Variants in DCLK1 observed in about 807,000 individuals in gnomAD.
The protein encoded by DCLK1 is doublecortin like kinase 1, also known as serine/threonine-protein kinase DCLK1.
Under a neutral mutation model 86.2 loss-of-function variants are expected in DCLK1, and 16 were observed. The observed-to-expected ratio is 0.19, with a 90% confidence interval of 0.13 to 0.28. DCLK1 has a LOEUF of 0.28. Among genes scored for constraint, DCLK1 ranks in the 10% least tolerant of loss-of-function variants. DCLK1 has a pLI of 1.00. For missense variants in DCLK1, 590 were observed against 940.2 expected, an observed-to-expected ratio of 0.63 and a Z score of 4.87; for synonymous variants, 369 against 370.5, an observed-to-expected ratio of 1.00 and a Z score of 0.05.
At chr13:36,105,585 G>A (rs1451404236) in intron 3 of DCLK1, among the ~76,000 whole-genome samples, 1 of 152,110 alleles carries the variant, frequency 6.6e-6, no homozygotes, top group African/African-American at 2.4e-5. Flanking sequence ...ATAATTCTAT[G>A]GAACTAATGT....
At chr13:36,002,967 C>G (rs1880785763) in intron 3 of DCLK1, among the ~76,000 whole-genome samples, 1 of 152,150 alleles carries the variant, frequency 6.6e-6, no homozygotes, top group Non-Finnish European at 1.5e-5. Context: ...GTGCTCTTTC[C>G]CACTCTCCTC....
intron 6 of DCLK1, chr13:35,848,349 T>C: frequency 1.0e-6 from 1 of 985,124 alleles, no homozygotes; most frequent in South Asian, 4.7e-5. Flanking sequence ...TTTAATAGAA[T>C]TATGTTTTGC....
intron 13 of DCLK1, among the ~76,000 whole-genome samples, chr13:35,808,727 G>T (rs539141525): frequency 6.6e-6 from 1 of 151,952 alleles, no homozygotes; most frequent in East Asian, 1.9e-4. Flanking sequence ...AGGTTGCAGT[G>T]AGCTGAGACT....
chr13:36,084,416 T>G (rs1217989474), intron 3 of DCLK1, among the ~76,000 whole-genome samples: 2 of 152,190 alleles, frequency 1.3e-5, no homozygotes, highest in African/African-American at 2.4e-5. Flanking sequence ...TAAAAAACAC[T>G]TATGTATAAT....
chr13:35,879,397 G>C (rs1192457159), intron 4 of DCLK1, among the ~76,000 whole-genome samples: 5 of 152,104 alleles, frequency 3.3e-5, no homozygotes, highest in Non-Finnish European at 5.9e-5. Context: ...TATGGCACTG[G>C]GATTTTCTGT....
intron 2 of DCLK1, among the ~76,000 whole-genome samples, chr13:36,120,691 T>C (rs1885955790): frequency 6.6e-6 from 1 of 151,918 alleles, no homozygotes; most frequent in Non-Finnish European, 1.5e-5. Context: ...CCTAACCTGA[T>C]AGGAAAATGA....
chr13:35,800,975 C>T (rs1045474525), intron 15 of DCLK1, among the ~76,000 whole-genome samples: 3 of 151,828 alleles, frequency 2.0e-5, no homozygotes, highest in South Asian at 2.1e-4. Context: ...CCACCTGCCA[C>T]GGCCTCCCAG....
At chr13:36,098,812 G>C (rs747398374) in intron 3 of DCLK1, among the ~76,000 whole-genome samples, 8 of 152,120 alleles carry the variant, frequency 5.3e-5, no homozygotes, top group Non-Finnish European at 8.8e-5. Flanking sequence ...ACATCTTAAT[G>C]GGAAAGTGCA....
chr13:36,074,482 A>G (rs1241827330), intron 3 of DCLK1, among the ~76,000 whole-genome samples: 3 of 34,896 alleles, frequency 8.6e-5, no homozygotes, highest in East Asian at 5.7e-3. Flanking sequence ...AAAAAAAAAA[A>G]AAAAAAAAAA....
intron 4 of DCLK1, among the ~76,000 whole-genome samples, chr13:35,882,445 A>G (rs185850887): frequency 3.3e-5 from 5 of 152,346 alleles, no homozygotes; most frequent in Admixed American, 6.5e-5. Flanking sequence ...TACAATATGT[A>G]TGACATCACT....
At chr13:35,848,381 T>C (rs1167041553) in intron 6 of DCLK1, 1 of 984,900 alleles carries the variant, frequency 1.0e-6, no homozygotes, top group Admixed American at 6.2e-5. Flanking sequence ...TCTCAAAGAC[T>C]ATAAATGGTG....
At chr13:35,947,289 G>A in intron 4 of DCLK1, 69 bp downstream of exon 4, 1 of 1,198,516 alleles carries the variant, frequency 8.3e-7, no homozygotes, top group South Asian at 1.3e-5. Flanking sequence ...ACATAATCTT[G>A]GCCTGGTGCA....
At chr13:35,956,037 A>T (rs531908467) in intron 3 of DCLK1, among the ~76,000 whole-genome samples, 1 of 152,316 alleles carries the variant, frequency 6.6e-6, no homozygotes, top group East Asian at 1.9e-4. Context: ...GGTTTCTCTC[A>T]TTAAGACATC....
chr13:35,814,102 G>A (rs1480610759), intron 11 of DCLK1, among the ~76,000 whole-genome samples: 1 of 152,054 alleles, frequency 6.6e-6, no homozygotes, highest in Non-Finnish European at 1.5e-5. Context: ...CTCTCTCAAC[G>A]GGGACTCTTC....
In DCLK1 at chr13:35,849,139, T is replaced by G. The variant is rs910027472; in HGVS notation, c.1035+5360A>C. The G allele has an allele frequency of 3.0e-6, 3 of 985,256 alleles. No individual in the cohort carries two copies. In the Admixed American group the frequency reaches 1.8e-4, roughly 61 times the overall value. 61.0% of individuals were successfully genotyped at this position (985,256 alleles called of 1,614,324 possible). The stretch of plus-strand genomic sequence containing the variant: ...GGCTAAGTTTTCAAATGCTGTTAGA[T>G]TGCCTGGACGTTTTTTCTTCTTCCT... On this transcript the variant is annotated intron_variant, in intron 6 of 16. Transcript: ENST00000360631.
chr13:35,992,443 C>CTTTT (rs35847607), intron 3 of DCLK1, among the ~76,000 whole-genome samples: 1 of 144,562 alleles, frequency 6.9e-6, no homozygotes, highest in African/African-American at 2.6e-5. Flanking sequence ...AAAGAAAGTG[C>CTTTT]TTTTTTTTTT....
At chr13:35,934,066 A>G (rs1876618501) in intron 4 of DCLK1, among the ~76,000 whole-genome samples, 1 of 152,082 alleles carries the variant, frequency 6.6e-6, no homozygotes, top group Non-Finnish European at 1.5e-5. Flanking sequence ...AGCTCTGTAA[A>G]TCTCTAGGTC....
At position 36,125,972 on chromosome 13, in the gene DCLK1, CCTT is replaced by C; in HGVS notation, c.163_165del (p.Lys55del). 1 of 1,614,174 alleles carries C rather than the reference CCTT, an allele frequency of 6.2e-7. No individual in the cohort carries two copies. The highest frequency in any genetic ancestry group is 8.5e-7 in the Non-Finnish European group (1 of 1,180,028). ...TTTCGATAGAAACGAACTTTCTTGG[CCTT>C]CTTCTCGGAGCTGAGCGTCTGCAGC... On this transcript the variant is annotated inframe_deletion, in exon 2 of 17. Transcript: ENST00000360631.
At chr13:36,043,101 A>T (rs904681747) in intron 3 of DCLK1, among the ~76,000 whole-genome samples, 17 of 152,152 alleles carry the variant, frequency 1.1e-4, no homozygotes, top group Non-Finnish European at 2.1e-4. Flanking sequence ...TTAATTCTTT[A>T]AAAAAATTCT....
Sources: gnomAD v4.1 joint callset for allele counts (sites outside exome capture counted in the v4.1 genomes callset) on GRCh38, gnomAD v4.1.1 for gene constraint, MANE v1.5 for transcripts, NCBI Gene and HGNC (gene_info 2026-07-23, HGNC 2026-07-21) for gene names.